The following RPS6KA5 variants were observed in gnomAD, a reference collection of about 807,000 sequenced individuals.
RPS6KA5 encodes the protein ribosomal protein S6 kinase alpha-5.
RPS6KA5 carries 27 observed loss-of-function variants against 85.5 expected under a neutral mutation model. The observed-to-expected ratio is 0.32, with a 90% CI of 0.23 to 0.44. RPS6KA5 has a LOEUF of 0.44. Among genes scored for constraint, RPS6KA5 ranks in the 20% least tolerant of loss-of-function variants. The pLI, the probability that RPS6KA5 is intolerant of heterozygous loss-of-function variation, is 1.00. For synonymous variants in RPS6KA5, 334 were observed against 348.2 expected (o/e 0.96, Z 0.46); for missense variants, 811 against 980.9 (o/e 0.83, Z 2.31).
chr14:90,978,890 T>C lies in RPS6KA5; in HGVS notation c.176-366A>G, dbSNP rs185076602. ...ACATCAGATAAAACTTCTAGATATATATATATTTATTACTGATGTAGACAA... is the reference window on the plus strand; with the variant it reads ...ACATCAGATAAAACTTCTAGATATACATATATTTATTACTGATGTAGACAA... On this transcript the variant is annotated intron_variant, in intron 2 of 16. Transcript: ENST00000614987. 1.1e-3 allele frequency among the ~76,000 whole-genome samples: 172 copies of C among 152,272 alleles called. 1 individual carries two copies. Among genetic ancestry groups the C allele is most frequent in the African/African-American group, 4.0e-3 (167 of 41,558 alleles).
In RPS6KA5 at chr14:90,890,531, C is replaced by G; in HGVS notation, c.1792G>C (p.Gly598Arg). 6.2e-7 allele frequency: 1 copy of G among 1,614,078 alleles called. No homozygotes were observed. The highest frequency in any genetic ancestry group is 8.5e-7 in the Non-Finnish European group (1 of 1,179,996). The change falls in exon 14 of 17, where the codon GGC becomes CGC. Residue 598 changes from glycine to arginine, a missense_variant. By Grantham distance (125) the Gly-to-Arg change is moderately radical. Coordinates refer to ENST00000614987, the MANE Select transcript of RPS6KA5 (RefSeq NM_004755.4). Reference sequence around the variant, plus strand: ...CACAGGTCACAGGACTCATCGTAGCCGTTCTGATTCAAGAGCTCTGGGGCG... The same window carrying G: ...CACAGGTCACAGGACTCATCGTAGCGGTTCTGATTCAAGAGCTCTGGGGCG... ...YAAPELLNQN[G>R]YDESCDLWSL...
At chr14:90,895,162 ACACCCATCCAAGGCCTGGC>A (rs1490452401) in intron 12 of RPS6KA5, among the ~76,000 whole-genome samples, 11 of 6,888 alleles carry the variant, frequency 1.6e-3, no homozygotes, top group African/African-American at 0.014. Context: ...GAGGCCTGGC[ACACCCATCCAAGGCCTGGC>A]ACACCCATCC....
intron 3 of RPS6KA5, among the ~76,000 whole-genome samples, chr14:90,952,849 T>G (rs951422445): frequency 6.6e-6 from 1 of 152,238 alleles, no homozygotes; most frequent in Admixed American, 6.5e-5. Flanking sequence ...TTGAAGGCTC[T>G]CAAGCTCATT....
rs779012780 is a variant in RPS6KA5 at position 90,890,569 on chromosome 14, G to C, written c.1754C>G (p.Thr585Ser). The C allele has an allele frequency of 6.2e-6, 10 of 1,614,030 alleles. No homozygotes were observed. In the East Asian group the frequency reaches 6.7e-5, roughly 11 times the overall value. ...DNQPLKTPCF[T>S]LHYAAPELLN... The stretch of plus-strand genomic sequence containing the variant: ...GAGCTCTGGGGCGGCATAATGAAGG[G>C]TGAAGCATGGAGTCTTCAGGGGCTG... Residue 585 changes from threonine (T) to serine (S), a missense_variant, in exon 14 of 17, where the codon ACC (threonine) becomes AGC (serine). By Grantham distance (58) the Thr-to-Ser change is moderately conservative (BLOSUM62 1). This residue lies in a region of RPS6KA5 where 650 missense variants were observed against 793.4 expected (regional missense o/e 0.82). Coordinates refer to ENST00000614987, the MANE Select transcript of RPS6KA5 (RefSeq NM_004755.4).
intron 5 of RPS6KA5, among the ~76,000 whole-genome samples, chr14:90,934,108 T>C (rs1595257999): frequency 6.6e-6 from 1 of 152,346 alleles, no homozygotes; most frequent in Non-Finnish European, 1.5e-5. Flanking sequence ...ACAGAAATAC[T>C]TATTTCTTAT....
At chr14:90,878,567 CAA>C (rs1469892871) in intron 14 of RPS6KA5, among the ~76,000 whole-genome samples, 1 of 152,172 alleles carries the variant, frequency 6.6e-6, no homozygotes, top group African/African-American at 2.4e-5. Flanking sequence ...GAAAGCAGAG[CAA>C]AGTTAGTCCT....
chr14:91,016,882 A>C (rs1314871557), intron 1 of RPS6KA5, among the ~76,000 whole-genome samples: 2 of 152,120 alleles, frequency 1.3e-5, no homozygotes, highest in African/African-American at 4.8e-5. Flanking sequence ...AAAAAAAAAA[A>C]AACTGAAGGT....
rs5810522 is a variant in RPS6KA5, at chr14:90,850,463, C to CAAAAAAAAAAAAAAAAAAAA, written c.*21610_*21611insTTTTTTTTTTTTTTTTTTTT. 1 of 129,040 alleles carries CAAAAAAAAAAAAAAAAAAAA rather than the reference C, an allele frequency of 7.7e-6. No homozygotes were observed. The highest frequency in any genetic ancestry group is 2.8e-5 in the African/African-American group (1 of 35,334). 8.0% of individuals were successfully genotyped at this position (129,040 alleles called of 1,614,324 possible). A position where few individuals can be genotyped will look rare whatever the true frequency, so the allele number is the denominator to read the frequency against. ...AACCTAATCAATGTGGGAAACCATA[C>CAAAAAAAAAAAAAAAAAAAA]AAAAAAAAAAAAAAAAAACAGAAAA... On this transcript the variant is annotated 3_prime_UTR_variant, in exon 17 of 17. Coordinates refer to ENST00000614987, the MANE Select transcript of RPS6KA5 (RefSeq NM_004755.4).
At chr14:90,918,715 A>G (rs1398625069) in intron 7 of RPS6KA5, among the ~76,000 whole-genome samples, 1 of 152,154 alleles carries the variant, frequency 6.6e-6, no homozygotes, top group African/African-American at 2.4e-5. Flanking sequence ...TATTTCTTGA[A>G]GTTCACTTTT....
In RPS6KA5 at chr14:90,864,085, C is replaced by G. The variant is rs894362810; in HGVS notation, c.*7989G>C. 19 of 152,144 alleles carry G rather than the reference C, an allele frequency of 1.2e-4. No homozygotes were observed. Among genetic ancestry groups the G allele is most frequent in the African/African-American group, 4.6e-4 (19 of 41,410 alleles). 9.4% of individuals were successfully genotyped at this position (152,144 alleles called of 1,614,324 possible). A position where few individuals can be genotyped will look rare whatever the true frequency, so the allele number is the denominator to read the frequency against. ...TTTGGCTACTATTTCACATCATATACAAATATCAGCAGTAGATGGACTGTA... is the reference window on the plus strand; with the variant it reads ...TTTGGCTACTATTTCACATCATATAGAAATATCAGCAGTAGATGGACTGTA... On this transcript the variant is annotated 3_prime_UTR_variant, in exon 17 of 17. Transcript: ENST00000614987.
chr14:91,060,248 C>T, intron 1 of RPS6KA5, 84 bp downstream of exon 1: 1 of 976,996 alleles, frequency 1.0e-6, no homozygotes, highest in Non-Finnish European at 1.2e-6. Flanking sequence ...TGCGGCCCCG[C>T]GCCCCCAGCC....
intron 1 of RPS6KA5, among the ~76,000 whole-genome samples, chr14:91,020,652 T>TGTGTG (rs1566873215): frequency 1.6e-4 from 10 of 63,522 alleles, no homozygotes; most frequent in South Asian, 1.1e-3. Flanking sequence ...GTGTGTGTGT[T>TGTGTG]TATATGTGTA....
At chr14:90,976,288 CT>C (rs2039568479) in intron 3 of RPS6KA5, among the ~76,000 whole-genome samples, 1 of 150,570 alleles carries the variant, frequency 6.6e-6, no homozygotes, top group African/African-American at 2.4e-5. Context: ...AACCTGTTTT[CT>C]TACCAGCTTC....
intron 2 of RPS6KA5, among the ~76,000 whole-genome samples, chr14:90,983,837 C>CTT (rs1566826212): frequency 4.4e-5 from 6 of 137,888 alleles, no homozygotes; most frequent in Admixed American, 7.1e-5. Context: ...CTCTCTCTCT[C>CTT]TCTTTCTTTT....
chr14:90,989,966 A>G (rs891300512), intron 2 of RPS6KA5, among the ~76,000 whole-genome samples: 1 of 152,210 alleles, frequency 6.6e-6, no homozygotes, highest in Admixed American at 6.5e-5. Flanking sequence ...AATTCAGAGA[A>G]CAAGTCAGTG....
Position 91,044,248 on chromosome 14 carries a change from GGGGAGAGAGAGA to G in RPS6KA5, c.103+16072_103+16083del, listed in dbSNP as rs754959528. On this transcript the variant is annotated intron_variant, in intron 1 of 16. Coordinates refer to ENST00000614987, the MANE Select transcript of RPS6KA5 (RefSeq NM_004755.4). ...AGAGAGAAAGAGATGGGGGAGAGAG[GGGGAGAGAGAGA>G]GGGAGAGAGAGAGAAAGAAAGAGAG... is the stretch of plus-strand genomic sequence containing the variant. Among the ~76,000 whole-genome samples, 6 of 133,430 alleles carry G rather than the reference GGGGAGAGAGAGA, an allele frequency of 4.5e-5. No homozygotes were observed. In the South Asian group the frequency reaches 1.0e-3, roughly 23 times the overall value. 87.5% of individuals were successfully genotyped at this position (133,430 alleles called of 152,430 possible).
chr14:90,955,417 G>A (rs1459609980), intron 3 of RPS6KA5, among the ~76,000 whole-genome samples: 1 of 152,014 alleles, frequency 6.6e-6, no homozygotes, highest in Non-Finnish European at 1.5e-5. Flanking sequence ...ACCATGCCTG[G>A]CTAAAATTAT....
In RPS6KA5 at chr14:90,849,190, TGAG is replaced by T. The variant is rs1463931859; in HGVS notation, c.*22881_*22883del. The T allele has an allele frequency of 6.6e-6, 1 of 152,160 alleles. No individual in the cohort carries two copies. The highest frequency in any genetic ancestry group is 1.9e-4 in the East Asian group (1 of 5,208). The allele number at this position is 152,160 out of a possible 1,614,324, so 9.4% of individuals were successfully genotyped here. A position where few individuals can be genotyped will look rare whatever the true frequency, so the allele number is the denominator to read the frequency against. On this transcript the variant is annotated 3_prime_UTR_variant, in exon 17 of 17. Coordinates refer to ENST00000614987, the MANE Select transcript of RPS6KA5 (RefSeq NM_004755.4). ...TCTAATAGATGCCACTCTCAAATTC[TGAG>T]GAGGATGAATTAGCTACTGCTTATC...
rs150155534 is a variant in RPS6KA5, at chr14:90,921,821, G to A, written c.702+1292C>T. 3.9e-3 allele frequency among the ~76,000 whole-genome samples: 599 copies of A among 152,266 alleles called. 2 individuals carry two copies. Among genetic ancestry groups the A allele is most frequent in the African/African-American group, 0.014 (575 of 41,548 alleles). On this transcript the variant is annotated intron_variant, in intron 6 of 16. Coordinates refer to ENST00000614987, the MANE Select transcript of RPS6KA5 (RefSeq NM_004755.4). The stretch of plus-strand genomic sequence containing the variant: ...GAACTGCATATGTGGGACTCTGAAA[G>A]GGAATGAAGGAGAAGGAAAGATGGG...
Sources: gnomAD v4.1 joint callset for allele counts (sites outside exome capture counted in the v4.1 genomes callset) on GRCh38, gnomAD v4.1.1 for gene constraint, gnomAD v4.1.1 regional missense constraint, MANE v1.5 for transcripts, NCBI Gene and HGNC (gene_info 2026-07-23, HGNC 2026-07-21) for gene names.